Variants in PDE10A observed in about 807,000 individuals in gnomAD.
PDE10A encodes cAMP and cAMP-inhibited cGMP 3',5'-cyclic phosphodiesterase 10A.
PDE10A carries 39 observed loss-of-function variants against 97.7 expected under a neutral mutation model. The ratio of observed to expected loss-of-function variants is 0.40; its 90% CI spans 0.31 to 0.52. The LOEUF is 0.52. PDE10A is among the 20% of genes least tolerant of loss of function. The probability of loss-of-function intolerance (pLI) is 0.56; values close to 1 mark genes in which losing one functional copy is unlikely to be tolerated. For missense variants in PDE10A, 731 were observed against 1,047.8 expected (o/e 0.70, Z 4.17); for synonymous variants, 371 against 376.8 (o/e 0.98, Z 0.18).
At chr6:165,543,363 A>G (rs1783564270) in intron 2 of PDE10A, 77 bp downstream of exon 2, 5 of 1,251,142 alleles carry the variant, frequency 4.0e-6, no homozygotes, top group Admixed American at 2.2e-5. Context: ...TTCACACTCT[A>G]GAATATATTA....
In PDE10A at chr6:165,332,573, T is replaced by C. The variant is rs1781400324; in HGVS notation, c.*452A>G. 6.4e-6 allele frequency: 1 copy of C among 155,786 alleles called. No homozygotes were observed. Among genetic ancestry groups the C allele is most frequent in the African/African-American group, 2.4e-5 (1 of 41,486 alleles). The allele number at this position is 155,786 out of a possible 1,614,324, so 9.7% of individuals were successfully genotyped here. ...GAACATTCACCATTCACAATAGTAA[T>C]GTGTAAAAATTCCTATTTATATCCA... is the stretch of plus-strand genomic sequence containing the variant. On this transcript the variant is annotated 3_prime_UTR_variant, in exon 22 of 22. Coordinates refer to ENST00000539869, the MANE Select transcript of PDE10A (RefSeq NM_001385079.1).
At chr6:165,444,018 G>A (rs572689554) in intron 5 of PDE10A, among the ~76,000 whole-genome samples, 9 of 152,098 alleles carry the variant, frequency 5.9e-5, no homozygotes, top group Non-Finnish European at 1.3e-4. Flanking sequence ...TCTACAACAC[G>A]GTCAGGCTAC....
chr6:165,800,660 TAG>T (rs1778959192), intron 1 of PDE10A, among the ~76,000 whole-genome samples: 1 of 152,184 alleles, frequency 6.6e-6, no homozygotes, highest in Non-Finnish European at 1.5e-5. Context: ...ACATGGTGTC[TAG>T]CATAACATAA....
At position 165,879,704 on chromosome 6, in the gene PDE10A, A is replaced by G. The variant is rs144533001; in HGVS notation, c.-615+107825T>C. Reference sequence around the variant, plus strand: ...ACTTTAAATTGTCTCGAGATTACTCATAATACCTACTTCTAATACCTAATG... The same window carrying G: ...ACTTTAAATTGTCTCGAGATTACTCGTAATACCTACTTCTAATACCTAATG... On this transcript the variant is annotated intron_variant, in intron 1 of 19. Transcript: ENST00000366882. Among the ~76,000 whole-genome samples, 716 of 152,368 alleles carry G rather than the reference A, an allele frequency of 4.7e-3. 2 individuals are homozygous for G. The highest frequency in any genetic ancestry group is 0.017 in the African/African-American group (694 of 41,588).
chr6:165,826,911 C>T (rs1012848456), intron 1 of PDE10A, among the ~76,000 whole-genome samples: 19 of 148,622 alleles, frequency 1.3e-4, no homozygotes, highest in South Asian at 4.4e-4. Context: ...ATGAGGTGGG[C>T]GCAGGCGGGA....
chr6:165,409,867 G>A (rs1787593700), intron 13 of PDE10A, among the ~76,000 whole-genome samples: 1 of 148,274 alleles, frequency 6.7e-6, no homozygotes, highest in South Asian at 2.1e-4. Flanking sequence ...AAAATGGAAT[G>A]CCTATTAAAA....
chr6:165,836,852 G>C (rs983478233), intron 1 of PDE10A, among the ~76,000 whole-genome samples: 22 of 152,062 alleles, frequency 1.4e-4, no homozygotes, highest in Non-Finnish European at 2.4e-4. Context: ...TATACACCAA[G>C]GAATACTATG....
At chr6:165,392,571 C>T (rs1785803402) in intron 16 of PDE10A, 75 bp downstream of exon 16, 1 of 1,384,280 alleles carries the variant, frequency 7.2e-7, no homozygotes, top group Admixed American at 1.8e-5. Context: ...AAATCCATGT[C>T]ATCAATGTGC....
chr6:165,730,371 A>T (rs1052471647), intron 1 of PDE10A, among the ~76,000 whole-genome samples: 1 of 152,202 alleles, frequency 6.6e-6, no homozygotes. Flanking sequence ...CCCGTGTCAA[A>T]TAAATCACGT....
intron 1 of PDE10A, among the ~76,000 whole-genome samples, chr6:165,709,948 T>C (rs1297516530): frequency 2.0e-5 from 3 of 151,842 alleles, no homozygotes; most frequent in African/African-American, 7.3e-5. Context: ...TGTAAGAACT[T>C]GCCCCTTCCA....
intron 1 of PDE10A, among the ~76,000 whole-genome samples, chr6:165,622,514 G>A (rs1266404510): frequency 6.6e-6 from 1 of 152,144 alleles, no homozygotes. Context: ...ACAATGCTAA[G>A]GATTTGTGTA....
At chr6:165,804,054 C>T (rs1292404509) in intron 1 of PDE10A, among the ~76,000 whole-genome samples, 1 of 152,108 alleles carries the variant, frequency 6.6e-6, no homozygotes. Flanking sequence ...AAGGTGGATG[C>T]TTTTGAAGAA....
intron 1 of PDE10A, among the ~76,000 whole-genome samples, chr6:165,629,887 T>TTA (rs1554297986): frequency 8.4e-4 from 128 of 152,070 alleles, no homozygotes; most frequent in Non-Finnish European, 1.5e-3. Context: ...TGTTTTTTTT[T>TTA]AATTAAAGAA....
In PDE10A at chr6:165,543,501, A is replaced by G. The variant is rs1783572252; in HGVS notation, c.933T>C (p.Ser311=). ...LHPQVLDEFV[S]ESVSAETVEK... ...CTACTGTCTCTGCACTAACACTTTC[A>G]GATACAAATTCATCTAATACCTGGG... The change falls in exon 2 of 22, where the codon TCT becomes TCC. Residue 311 remains serine (S), a synonymous_variant. Coordinates refer to ENST00000539869, the MANE Select transcript of PDE10A (RefSeq NM_001385079.1). 6.2e-7 allele frequency: 1 copy of G among 1,612,572 alleles called. No homozygotes were observed.
intron 3 of PDE10A, 37 bp from the exon 4 acceptor site, chr6:165,450,399 T>A (rs750672921): frequency 2.3e-6 from 3 of 1,304,030 alleles, no homozygotes; most frequent in African/African-American, 1.5e-5. Flanking sequence ...AAACAGAGTT[T>A]AAATAAAATA....
chr6:165,446,781 A>G (rs1790877844), intron 5 of PDE10A, among the ~76,000 whole-genome samples: 1 of 152,158 alleles, frequency 6.6e-6, no homozygotes, highest in Admixed American at 6.5e-5. Context: ...TCATAGGGAT[A>G]TTAAGTTGAA....
intron 15 of PDE10A, 80 bp downstream of exon 15, chr6:165,395,101 G>T: frequency 1.3e-6 from 1 of 768,306 alleles, no homozygotes; most frequent in Non-Finnish European, 2.2e-6. Context: ...AACAAAGATC[G>T]TGGTGAGGCA....
chr6:165,589,031 T>C (rs368904800), intron 1 of PDE10A, among the ~76,000 whole-genome samples: 2 of 152,320 alleles, frequency 1.3e-5, no homozygotes, highest in South Asian at 2.1e-4. Context: ...AAATCAGCCA[T>C]GGCCACAAAA....
At chr6:165,881,936 C>T (rs976036357) in intron 1 of PDE10A, among the ~76,000 whole-genome samples, 13 of 152,116 alleles carry the variant, frequency 8.5e-5, no homozygotes, top group Admixed American at 7.2e-4. Flanking sequence ...CAAAGTGTGC[C>T]GCCCAGGCAG....
Sources: gnomAD v4.1 joint callset for allele counts (sites outside exome capture counted in the v4.1 genomes callset) on GRCh38, gnomAD v4.1.1 for gene constraint, MANE v1.5 for transcripts, NCBI Gene and HGNC (gene_info 2026-07-23, HGNC 2026-07-21) for gene names.